DYNC1I1: variants seen among roughly 807,000 people sequenced by gnomAD.
DYNC1I1 encodes cytoplasmic dynein 1 intermediate chain 1.
Under a neutral mutation model 86.6 loss-of-function variants are expected in DYNC1I1, and 43 were observed. That is an observed-to-expected ratio of 0.50 (90% CI 0.39 to 0.64). DYNC1I1 has a LOEUF of 0.64. DYNC1I1 is among the 30% of genes least tolerant of loss of function. DYNC1I1 has a pLI of 0.00. For missense variants in DYNC1I1, 604 were observed against 788.8 expected, an observed-to-expected ratio of 0.77 and a Z score of 2.81; for synonymous variants, 262 against 283.7, an observed-to-expected ratio of 0.92 and a Z score of 0.77.
intron 6 of DYNC1I1, among the ~76,000 whole-genome samples, chr7:95,950,976 C>T (rs1584192747): frequency 6.6e-6 from 1 of 152,274 alleles, no homozygotes; most frequent in South Asian, 2.1e-4. Context: ...AGTCTCATAA[C>T]ACTTCAAAAT....
At chr7:95,808,275 A>G (rs1794748212) in intron 2 of DYNC1I1, among the ~76,000 whole-genome samples, 1 of 152,190 alleles carries the variant, frequency 6.6e-6, no homozygotes, top group South Asian at 2.1e-4. Flanking sequence ...TAAATTTAAC[A>G]TTAAAAAGAA....
chr7:95,788,161 T>C (rs1209723216), intron 1 of DYNC1I1, among the ~76,000 whole-genome samples: 3 of 152,150 alleles, frequency 2.0e-5, no homozygotes, highest in African/African-American at 7.2e-5. Flanking sequence ...TGTGTTTTAA[T>C]GCATTACTAT....
chr7:95,915,107 C>T (rs1435927839), intron 6 of DYNC1I1, among the ~76,000 whole-genome samples: 1 of 152,158 alleles, frequency 6.6e-6, no homozygotes, highest in African/African-American at 2.4e-5. Context: ...GCATTTCCTT[C>T]ATGTTACTTA....
At chr7:95,930,599 T>C (rs1460509613) in intron 6 of DYNC1I1, among the ~76,000 whole-genome samples, 1 of 152,212 alleles carries the variant, frequency 6.6e-6, no homozygotes, top group Non-Finnish European at 1.5e-5. Context: ...ACCTCACTAT[T>C]TGGTCTCCAC....
At chr7:95,866,567 G>T (rs75648630) in intron 5 of DYNC1I1, among the ~76,000 whole-genome samples, 10,497 of 152,138 alleles carry the variant, frequency 0.069, 932 homozygotes, top group African/African-American at 0.2. Flanking sequence ...TGGAATATGA[G>T]ATAAAATTTT....
At chr7:95,956,525 C>A (rs1199402857) in intron 6 of DYNC1I1, among the ~76,000 whole-genome samples, 1 of 151,974 alleles carries the variant, frequency 6.6e-6, no homozygotes, top group East Asian at 1.9e-4. Flanking sequence ...TAATGCTATC[C>A]CTCCTCTTGC....
chr7:95,823,015 T>C (rs1309582902), intron 4 of DYNC1I1, among the ~76,000 whole-genome samples: 1 of 152,134 alleles, frequency 6.6e-6, no homozygotes, highest in Non-Finnish European at 1.5e-5. Flanking sequence ...GTCCCAAAGA[T>C]ACTGCTGGAC....
intron 6 of DYNC1I1, among the ~76,000 whole-genome samples, chr7:95,946,796 T>C (rs1792414388): frequency 6.6e-6 from 1 of 152,112 alleles, no homozygotes; most frequent in South Asian, 2.1e-4. Context: ...TATATCTTGG[T>C]TGAATGACAG....
intron 9 of DYNC1I1, among the ~76,000 whole-genome samples, chr7:95,994,950 G>A (rs975767396): frequency 6.6e-6 from 1 of 152,050 alleles, no homozygotes; most frequent in Admixed American, 6.6e-5. Context: ...GAGAGAGAAA[G>A]AAGTAAAAAT....
At chr7:95,985,113 A>C in intron 8 of DYNC1I1, 136 bp downstream of exon 8, 1 of 1,203,136 alleles carries the variant, frequency 8.3e-7, no homozygotes. Context: ...CTTGCTGAAC[A>C]GCTTTGACTA....
intron 6 of DYNC1I1, among the ~76,000 whole-genome samples, chr7:95,976,078 A>T (rs1793296279): frequency 6.6e-6 from 1 of 152,202 alleles, no homozygotes; most frequent in African/African-American, 2.4e-5. Context: ...TCTAGGTAAC[A>T]GTGTTCTTTT....
rs368516949 is a variant in DYNC1I1 at position 96,093,511 on chromosome 7, A to G, written c.1777-3972A>G. 2.0e-5 allele frequency among the ~76,000 whole-genome samples: 3 copies of G among 152,344 alleles called. No homozygotes were observed. In the East Asian group the frequency reaches 5.8e-4, roughly 29 times the overall value. ...ATAAAAGGTGATCTCTTTTAGAGTT[A>G]AGATTTTATTATCTCAGGAATCTGA... On this transcript the variant is annotated intron_variant, in intron 16 of 16. Transcript: ENST00000447467.
intron 1 of DYNC1I1, among the ~76,000 whole-genome samples, chr7:95,776,158 A>C (rs112153487): frequency 3.9e-5 from 6 of 152,124 alleles, no homozygotes; most frequent in African/African-American, 1.4e-4. Context: ...GCACCACTGC[A>C]GTCCAGCCTG....
intron 1 of DYNC1I1, among the ~76,000 whole-genome samples, chr7:95,785,876 C>T (rs1198733349): frequency 6.7e-6 from 1 of 148,488 alleles, no homozygotes; most frequent in Non-Finnish European, 1.5e-5. Context: ...ATGGAGTTCT[C>T]ACCCTGAATG....
chr7:95,840,989 A>T (rs2116012497), intron 5 of DYNC1I1, among the ~76,000 whole-genome samples: 1 of 152,318 alleles, frequency 6.6e-6, no homozygotes, highest in East Asian at 1.9e-4. Context: ...TTTATCACCC[A>T]CTTGCTCTGC....
intron 4 of DYNC1I1, among the ~76,000 whole-genome samples, chr7:95,815,314 T>C (rs1794922773): frequency 6.6e-6 from 1 of 152,166 alleles, no homozygotes; most frequent in African/African-American, 2.4e-5. Flanking sequence ...ACTTCAATTC[T>C]TTATAGGAAA....
chr7:95,896,621 C>A (rs903585908), intron 6 of DYNC1I1, among the ~76,000 whole-genome samples: 1 of 152,176 alleles, frequency 6.6e-6, no homozygotes, highest in African/African-American at 2.4e-5. Context: ...GACTCAGAAT[C>A]CCATACTCTT....
intron 15 of DYNC1I1, 45 bp downstream of exon 15, chr7:96,076,242 G>A (rs1440898753): frequency 3.7e-6 from 6 of 1,604,546 alleles, no homozygotes; most frequent in African/African-American, 2.7e-5. Flanking sequence ...TGGGAGGGGG[G>A]CGCAGTCGGC....
chr7:95,957,645 T>C (rs968753025), intron 6 of DYNC1I1, among the ~76,000 whole-genome samples: 3 of 152,162 alleles, frequency 2.0e-5, no homozygotes, highest in African/African-American at 7.2e-5. Context: ...GAACTGGAGA[T>C]GTCAGGATTG....
Sources: gnomAD v4.1 joint callset for allele counts (sites outside exome capture counted in the v4.1 genomes callset) on GRCh38, gnomAD v4.1.1 for gene constraint, MANE v1.5 for transcripts, NCBI Gene and HGNC (gene_info 2026-07-23, HGNC 2026-07-21) for gene names.